Variants in CAVIN1 observed in about 807,000 individuals in gnomAD.
CAVIN1 encodes the protein caveolae-associated protein 1.
A neutral mutation model predicts 24.0 loss-of-function variants in CAVIN1; 16 were observed. That is an observed-to-expected ratio of 0.67 (90% CI 0.45 to 1.01). The LOEUF (loss-of-function observed/expected upper bound fraction) is 1.01. Ranked by LOEUF, CAVIN1 falls within the 50% of genes least tolerant of loss-of-function variation. The pLI, the probability that CAVIN1 is intolerant of heterozygous loss-of-function variation, is 0.00. For synonymous variants in CAVIN1, 256 were observed against 256.4 expected (o/e 1.00, Z 0.02); for missense variants, 510 against 551.7 (o/e 0.92, Z 0.76).
chr17:42,421,972 C>G (rs2085550391), intron 1 of CAVIN1, among the ~76,000 whole-genome samples: 1 of 152,172 alleles, frequency 6.6e-6, no homozygotes, highest in Non-Finnish European at 1.5e-5. Flanking sequence ...AGGGTGTCCT[C>G]AAGGGCCTGA....
rs542934527 is a variant in CAVIN1 at position 42,416,585 on chromosome 17, T to C, written c.471+6042A>G. Among the ~76,000 whole-genome samples the C allele has an allele frequency of 3.6e-5, 3 of 83,618 alleles. No homozygotes were observed. In the East Asian group the frequency reaches 1.0e-3, roughly 29 times the overall value. 54.9% of individuals were successfully genotyped at this position (83,618 alleles called of 152,430 possible). On this transcript the variant is annotated intron_variant, in intron 1 of 1. Coordinates refer to ENST00000357037, the MANE Select transcript of CAVIN1 (RefSeq NM_012232.6). ...TCCAGCCTGGGCTGCAGAGCTAAGA[T>C]CCTTTCTCAAAAAAAAAAAAAAAAA...
chr17:42,412,951 C>T (rs1030599880), intron 1 of CAVIN1, among the ~76,000 whole-genome samples: 1 of 150,780 alleles, frequency 6.6e-6, no homozygotes, highest in Non-Finnish European at 1.5e-5. Flanking sequence ...GAGCCTCTCT[C>T]TATCGCCCAG....
At chr17:42,414,564 G>T (rs1200163362) in intron 1 of CAVIN1, among the ~76,000 whole-genome samples, 1 of 152,046 alleles carries the variant, frequency 6.6e-6, no homozygotes, top group African/African-American at 2.4e-5. Context: ...TATGACAGGT[G>T]AGCCTATGTC....
chr17:42,418,390 C>G (rs2085525275), intron 1 of CAVIN1, among the ~76,000 whole-genome samples: 1 of 152,090 alleles, frequency 6.6e-6, no homozygotes, highest in Admixed American at 6.6e-5. Flanking sequence ...TGCAACCACG[C>G]CTGGCTAATT....
rs533505530 is a variant in CAVIN1 at position 42,415,633 on chromosome 17, C to T, written c.471+6994G>A. ...GCCTAAGGCAGGAGGAATGCTTGAG[C>T]CCGGACGACAGGGGCTGCAGTGAGC... is the stretch of plus-strand genomic sequence containing the variant. On this transcript the variant is annotated intron_variant, in intron 1 of 1. Transcript: ENST00000357037. Among the ~76,000 whole-genome samples, 10 of 152,078 alleles carry T rather than the reference C, an allele frequency of 6.6e-5. No individual in the cohort carries two copies. In the East Asian group the frequency reaches 1.4e-3, roughly 21 times the overall value.
Position 42,422,738 on chromosome 17 carries a change from G to A in CAVIN1, c.360C>T (p.Asn120=), listed in dbSNP as rs1567782230. 3 of 1,611,260 alleles carry A rather than the reference G, an allele frequency of 1.9e-6. No homozygotes were observed. Among genetic ancestry groups the A allele is most frequent in the Non-Finnish European group, 2.5e-6 (3 of 1,178,994 alleles). ...LLEKVRKVSV[N]VKTVRGSLER... ...CCAGGCTGCCGCGCACGGTCTTCAC[G>A]TTGACGCTGACCTTGCGCACCTTCT... Residue 120 remains asparagine (N), a synonymous_variant, in exon 1 of 2, where the codon AAC becomes AAT. Coordinates refer to ENST00000357037, the MANE Select transcript of CAVIN1 (RefSeq NM_012232.6).
chr17:42,416,399 GAAGAA>G lies in CAVIN1; in HGVS notation c.471+6223_471+6227del, dbSNP rs1422327712. ...AAGAGAGAGAGAGAGAGAGAGAAAA[GAAGAA>G]AAGAAGAAGGAAAGAAGGCCGGAAG... On this transcript the variant is annotated intron_variant, in intron 1 of 1. Coordinates refer to ENST00000357037, the MANE Select transcript of CAVIN1 (RefSeq NM_012232.6). 2.0e-5 allele frequency among the ~76,000 whole-genome samples: 3 copies of G among 150,908 alleles called. No homozygotes were observed. The East Asian group carries it at 5.9e-4, about 30-fold the overall frequency.
Position 42,405,170 on chromosome 17 carries a change from G to T in CAVIN1, c.690C>A (p.Asp230Glu). 1.2e-6 allele frequency: 2 copies of T among 1,613,920 alleles called. No individual in the cohort carries two copies. Among genetic ancestry groups the T allele is most frequent in the Non-Finnish European group, 1.7e-6 (2 of 1,179,970 alleles). ...RIKRSGLRRV[D>E]DFKKAFSKEK... ...CCTTGGAGAAGGCCTTCTTGAAGTC[G>T]TCCACGCGCCGCAGGCCGCTGCGCT... The change falls in exon 2 of 2, where the codon GAC (aspartate) becomes GAA (glutamate). Residue 230 changes from aspartate (D) to glutamate (E), a missense_variant. Physicochemically the swap from Asp to Glu is conservative, Grantham distance 45. Transcript: ENST00000357037.
In CAVIN1 at chr17:42,423,156, G is replaced by A. The variant is rs926638298; in HGVS notation, c.-59C>T. The A allele has an allele frequency of 2.2e-6, 3 of 1,343,870 alleles. No homozygotes were observed. The highest frequency in any genetic ancestry group is 1.0e-6 in the Non-Finnish European group (1 of 990,836). The allele number at this position is 1,343,870 out of a possible 1,614,324, so 83.2% of individuals were successfully genotyped here. On this transcript the variant is annotated 5_prime_UTR_variant, in exon 1 of 2. Transcript: ENST00000357037. ...GGGCTGGAGCTGGAGCGGGAGACCC[G>A]GAGAGAAGCAGGAGCGGAAGGGAGG...
At chr17:42,418,468 T>G (rs1222461110) in intron 1 of CAVIN1, among the ~76,000 whole-genome samples, 1 of 152,034 alleles carries the variant, frequency 6.6e-6, no homozygotes, top group Non-Finnish European at 1.5e-5. Flanking sequence ...CCACCTCAGG[T>G]GATCCGCCCG....
At chr17:42,411,456 G>C in intron 1 of CAVIN1, 1 of 985,330 alleles carries the variant, frequency 1.0e-6, no homozygotes, top group Non-Finnish European at 1.2e-6. Context: ...CAGAGGTCCT[G>C]AGCCAGAGCC....
chr17:42,422,033 G>A (rs9907652), intron 1 of CAVIN1, among the ~76,000 whole-genome samples: 14,574 of 152,274 alleles, frequency 0.096, 797 homozygotes, highest in African/African-American at 0.15. Context: ...GGGGTGGGCC[G>A]CCGAGGCCGA....
chr17:42,420,149 A>G (rs2085536726), intron 1 of CAVIN1, among the ~76,000 whole-genome samples: 1 of 151,758 alleles, frequency 6.6e-6, no homozygotes, highest in Non-Finnish European at 1.5e-5. Flanking sequence ...CCCTTCCCCT[A>G]TGGCCCCTCC....
chr17:42,404,858 T>C lies in CAVIN1; in HGVS notation c.1002A>G (p.Glu334=). Residue 334 remains glutamate, a synonymous_variant, in exon 2 of 2, where the codon GAA becomes GAG. Coordinates refer to ENST00000357037, the MANE Select transcript of CAVIN1 (RefSeq NM_012232.6). ...HVKKIREGQV[E]VLKATEMVEV... Reference sequence around the variant, plus strand: ...CCACCATCTCGGTGGCCTTGAGCACTTCCACCTGGCCCTCGCGGATCTTCT... The same window carrying C: ...CCACCATCTCGGTGGCCTTGAGCACCTCCACCTGGCCCTCGCGGATCTTCT... 1.2e-6 allele frequency: 2 copies of C among 1,611,932 alleles called. No individual in the cohort carries two copies. Among genetic ancestry groups the C allele is most frequent in the Non-Finnish European group, 1.7e-6 (2 of 1,179,182 alleles).
chr17:42,412,285 G>C (rs12150088), intron 1 of CAVIN1: 651,849 of 984,232 alleles, frequency 0.66, 220,474 homozygotes, highest in Admixed American at 0.72. Context: ...ATGGGGCTTG[G>C]GGTGGGTGCA....
At chr17:42,406,456 C>G (rs1341771275) in intron 1 of CAVIN1, among the ~76,000 whole-genome samples, 3 of 150,794 alleles carry the variant, frequency 2.0e-5, no homozygotes, top group Non-Finnish European at 4.4e-5. Flanking sequence ...CTGACTGCAA[C>G]CTCTGCCTCC....
chr17:42,420,377 A>C (rs898835839), intron 1 of CAVIN1, among the ~76,000 whole-genome samples: 6 of 152,212 alleles, frequency 3.9e-5, no homozygotes, highest in Admixed American at 3.9e-4. Context: ...TTCCTCCAGC[A>C]GCCGGGTCCC....
At chr17:42,420,183 A>G (rs2085536819) in intron 1 of CAVIN1, among the ~76,000 whole-genome samples, 1 of 152,070 alleles carries the variant, frequency 6.6e-6, no homozygotes, top group South Asian at 2.1e-4. Context: ...CATCCCAGGA[A>G]ACTTTCTCCA....
chr17:42,412,884 T>C (rs2085488474), intron 1 of CAVIN1, among the ~76,000 whole-genome samples: 1 of 151,832 alleles, frequency 6.6e-6, no homozygotes, highest in Non-Finnish European at 1.5e-5. Flanking sequence ...CCCAAAGTGC[T>C]GGGATTACAG....
Sources: gnomAD v4.1 joint callset for allele counts (sites outside exome capture counted in the v4.1 genomes callset) on GRCh38, gnomAD v4.1.1 for gene constraint, MANE v1.5 for transcripts, NCBI Gene and HGNC (gene_info 2026-07-23, HGNC 2026-07-21) for gene names.